Variants in LRRTM4 observed in about 807,000 individuals in gnomAD.
LRRTM4 encodes leucine-rich repeat transmembrane neuronal protein 4.
LRRTM4 carries 25 observed loss-of-function variants against 47.6 expected under a neutral mutation model. The ratio of observed to expected loss-of-function variants is 0.53; its 90% CI spans 0.38 to 0.73. The LOEUF is 0.73. Among genes scored for constraint, LRRTM4 ranks in the 30% least tolerant of loss-of-function variants. LRRTM4 has a pLI of 0.00. For synonymous variants in LRRTM4, 311 were observed against 269.5 expected (o/e 1.15, Z -1.51); for missense variants, 638 against 713.4 (o/e 0.89, Z 1.20).
At chr2:77,507,528 A>G (rs938964857) in intron 3 of LRRTM4, among the ~76,000 whole-genome samples, 14 of 152,152 alleles carry the variant, frequency 9.2e-5, no homozygotes, top group Admixed American at 6.6e-5. Context: ...GTGGTCAGAT[A>G]ACCAAAGAGA....
intron 3 of LRRTM4, among the ~76,000 whole-genome samples, chr2:77,402,323 T>C (rs1363329521): frequency 2.0e-5 from 3 of 151,790 alleles, no homozygotes; most frequent in African/African-American, 7.3e-5. Flanking sequence ...TTTTTGAAAA[T>C]TTTTTGTAGA....
chr2:77,403,885 T>TATA (rs893824593), intron 3 of LRRTM4, among the ~76,000 whole-genome samples: 78 of 150,378 alleles, frequency 5.2e-4, no homozygotes, highest in African/African-American at 1.8e-3. Flanking sequence ...TATATATATA[T>TATA]TTTAGGAAAG....
intron 3 of LRRTM4, among the ~76,000 whole-genome samples, chr2:77,278,926 A>G (rs1676438313): frequency 1.3e-5 from 2 of 151,962 alleles, no homozygotes; most frequent in South Asian, 4.1e-4. Flanking sequence ...GCTCAAAACC[A>G]TGAGACTTTA....
At chr2:77,050,842 A>T (rs1300056142) in intron 3 of LRRTM4, among the ~76,000 whole-genome samples, 1 of 152,186 alleles carries the variant, frequency 6.6e-6, no homozygotes, top group Non-Finnish European at 1.5e-5. Context: ...TCTTGAAATT[A>T]TCAGCCAGAG....
At position 77,224,708 on chromosome 2, in the gene LRRTM4, A is replaced by G. The variant is rs1674751498; in HGVS notation, c.1551+293610T>C. On this transcript the variant is annotated intron_variant, in intron 3 of 3. Coordinates refer to ENST00000409884, the MANE Select transcript of LRRTM4 (RefSeq NM_001134745.3). ...AATGGCAATCATTAAAAAGTCAGGA[A>G]ACAACAGGTGCTGGAGAGGATGTGG... 2.6e-5 allele frequency among the ~76,000 whole-genome samples: 4 copies of G among 152,086 alleles called. No individual in the cohort carries two copies. In the South Asian group the frequency reaches 6.2e-4, roughly 24 times the overall value.
intron 3 of LRRTM4, among the ~76,000 whole-genome samples, chr2:76,769,278 A>G (rs2104106527): frequency 6.6e-6 from 1 of 152,284 alleles, no homozygotes; most frequent in South Asian, 2.1e-4. Context: ...CAGAAAAGTG[A>G]TCTCTAATGA....
At chr2:77,517,549 T>C in intron 3 of LRRTM4, 1 of 985,088 alleles carries the variant, frequency 1.0e-6, no homozygotes, top group Non-Finnish European at 1.2e-6. Flanking sequence ...TGAAGTTTCA[T>C]TCTGATTAAA....
intron 3 of LRRTM4, among the ~76,000 whole-genome samples, chr2:77,472,235 A>G (rs2103995024): frequency 6.6e-6 from 1 of 152,258 alleles, no homozygotes; most frequent in South Asian, 2.1e-4. Context: ...GACGGAGAAA[A>G]TATGTGTGTT....
At chr2:77,383,500 C>G (rs1393909772) in intron 3 of LRRTM4, among the ~76,000 whole-genome samples, 2 of 151,936 alleles carry the variant, frequency 1.3e-5, no homozygotes, top group Admixed American at 1.3e-4. Flanking sequence ...TTGATTTTTC[C>G]ACTACGACCC....
chr2:76,869,245 G>A (rs953216728), intron 3 of LRRTM4, among the ~76,000 whole-genome samples: 4 of 151,198 alleles, frequency 2.6e-5, no homozygotes, highest in African/African-American at 9.7e-5. Context: ...GGAGGCAGAG[G>A]TTGCAGTGAG....
intron 3 of LRRTM4, among the ~76,000 whole-genome samples, chr2:77,242,957 A>G (rs1675310653): frequency 6.6e-6 from 1 of 152,226 alleles, no homozygotes; most frequent in South Asian, 2.1e-4. Context: ...AATAGCCAAA[A>G]GGTGGAAACA....
chr2:77,189,139 A>G (rs768955485), intron 3 of LRRTM4, among the ~76,000 whole-genome samples: 4 of 152,206 alleles, frequency 2.6e-5, no homozygotes, highest in Non-Finnish European at 5.9e-5. Flanking sequence ...CAAATGAAAT[A>G]AAGTGCTTTT....
chr2:77,133,558 TCATC>T (rs1671857061), intron 3 of LRRTM4, among the ~76,000 whole-genome samples: 1 of 152,188 alleles, frequency 6.6e-6, no homozygotes, highest in Admixed American at 6.5e-5. Context: ...CATTTGGACT[TCATC>T]CACTACTAGG....
At chr2:77,494,628 A>G (rs1298325397) in intron 3 of LRRTM4, among the ~76,000 whole-genome samples, 1 of 151,806 alleles carries the variant, frequency 6.6e-6, no homozygotes, top group Non-Finnish European at 1.5e-5. Flanking sequence ...CTCAGATTGT[A>G]TTTTAATAGA....
At chr2:77,005,945 G>A (rs1677627541) in intron 3 of LRRTM4, among the ~76,000 whole-genome samples, 2 of 152,092 alleles carry the variant, frequency 1.3e-5, no homozygotes, top group Non-Finnish European at 2.9e-5. Flanking sequence ...TTTACATACA[G>A]AGAAACTGAG....
intron 3 of LRRTM4, among the ~76,000 whole-genome samples, chr2:76,865,207 C>A (rs949640788): frequency 2.6e-5 from 4 of 152,070 alleles, no homozygotes; most frequent in Non-Finnish European, 5.9e-5. Flanking sequence ...CCTGTGGGCT[C>A]CATAGGCAGA....
chr2:76,892,867 T>C (rs1056785536), intron 3 of LRRTM4, among the ~76,000 whole-genome samples: 46 of 151,762 alleles, frequency 3.0e-4, no homozygotes, highest in East Asian at 2.5e-3. Flanking sequence ...TTGGGAAATA[T>C]TGACTCAGAT....
At chr2:77,423,211 A>G (rs1158064148) in intron 3 of LRRTM4, among the ~76,000 whole-genome samples, 3 of 152,110 alleles carry the variant, frequency 2.0e-5, no homozygotes, top group African/African-American at 7.2e-5. Context: ...AGTTTTTTCT[A>G]CTTTTCAGTG....
At chr2:77,109,782 C>A (rs1346574866) in intron 3 of LRRTM4, among the ~76,000 whole-genome samples, 1 of 151,098 alleles carries the variant, frequency 6.6e-6, no homozygotes, top group South Asian at 2.1e-4. Flanking sequence ...AGGAAGAAGG[C>A]TCAAAACATA....
Sources: allele counts gnomAD v4.1 joint callset (sites outside exome capture counted in the v4.1 genomes callset), GRCh38; gene constraint gnomAD v4.1.1; transcripts MANE v1.5; gene names NCBI Gene and HGNC (gene_info 2026-07-23, HGNC 2026-07-21).